Variants in ZFR observed in about 807,000 individuals in gnomAD.
ZFR encodes the protein zinc finger RNA binding protein, also known as zinc finger RNA-binding protein.
A neutral mutation model predicts 130.7 loss-of-function variants in ZFR; 19 were observed. The ratio of observed to expected loss-of-function variants is 0.15; its 90% CI spans 0.10 to 0.21. The LOEUF is 0.21. ZFR is among the 10% of genes least tolerant of loss of function. The probability of loss-of-function intolerance (pLI) is 1.00; values close to 1 mark genes in which losing one functional copy is unlikely to be tolerated. For synonymous variants in ZFR, 466 were observed against 456.9 expected, an observed-to-expected ratio of 1.02 and a Z score of -0.25; for missense variants, 872 against 1,321.5, an observed-to-expected ratio of 0.66 and a Z score of 5.27.
intron 19 of ZFR, among the ~76,000 whole-genome samples, chr5:32,356,995 T>C (rs1266927184): frequency 6.6e-6 from 1 of 151,970 alleles, no homozygotes; most frequent in Admixed American, 6.6e-5. Context: ...AATTGTTATT[T>C]ACAACATTTT....
intron 2 of ZFR, among the ~76,000 whole-genome samples, chr5:32,431,976 T>C (rs1331346166): frequency 1.3e-5 from 2 of 151,388 alleles, no homozygotes; most frequent in East Asian, 3.9e-4. Flanking sequence ...TACGCATGTG[T>C]GCCAGCATGC....
chr5:32,384,491 T>G (rs960590827), intron 15 of ZFR, among the ~76,000 whole-genome samples: 3 of 152,220 alleles, frequency 2.0e-5, no homozygotes, highest in Non-Finnish European at 4.4e-5. Context: ...TGCTTTGTTA[T>G]AAGCAAACAA....
At chr5:32,373,367 T>C (rs772182473) in intron 17 of ZFR, among the ~76,000 whole-genome samples, 1 of 152,046 alleles carries the variant, frequency 6.6e-6, no homozygotes, top group Non-Finnish European at 1.5e-5. Context: ...CACTCCAGCA[T>C]GGGTGACAGA....
At chr5:32,376,106 T>C (rs1408148437) in intron 17 of ZFR, among the ~76,000 whole-genome samples, 1 of 151,720 alleles carries the variant, frequency 6.6e-6, no homozygotes, top group Non-Finnish European at 1.5e-5. Flanking sequence ...CCTCCTAAAG[T>C]GCTGGGATTA....
rs770579451 is a variant in ZFR, at chr5:32,388,523, T to A, written c.2294A>T (p.His765Leu). 9.9e-6 allele frequency: 16 copies of A among 1,613,986 alleles called. No homozygotes were observed. The highest frequency in any genetic ancestry group is 9.3e-6 in the Non-Finnish European group (11 of 1,179,970). Residue 765 changes from histidine (H) to leucine (L), a missense_variant, in exon 13 of 20, where the codon CAT (histidine) becomes CTT (leucine). Around this residue, in one of 7 missense-constraint regions of ZFR, gnomAD observed 225 missense variants for 282.4 expected, o/e 0.80. Coordinates refer to ENST00000265069, the MANE Select transcript of ZFR (RefSeq NM_016107.5). ...TCCCTCTTTGTTCTTGTTCTTCTCA[T>A]GTTCAGACAAACTGTCTGAAACGAG... ...LKLVSDSLSE[H>L]EKNKNKEGDD...
At chr5:32,382,723 C>T (rs924753959) in intron 15 of ZFR, among the ~76,000 whole-genome samples, 13 of 152,092 alleles carry the variant, frequency 8.5e-5, no homozygotes, top group Non-Finnish European at 1.3e-4. Context: ...AATTCTCCTG[C>T]CTCAGCCTCC....
intron 13 of ZFR, among the ~76,000 whole-genome samples, chr5:32,388,264 G>A (rs192766256): frequency 4.6e-5 from 7 of 152,262 alleles, no homozygotes; most frequent in Admixed American, 2.0e-4. Context: ...GTACAATTAC[G>A]AGGTTAGACA....
At chr5:32,424,300 T>C (rs1212903404) in intron 2 of ZFR, among the ~76,000 whole-genome samples, 2 of 152,194 alleles carry the variant, frequency 1.3e-5, no homozygotes, top group South Asian at 2.1e-4. Flanking sequence ...TCCCAGCACT[T>C]TGGGAGGCCG....
chr5:32,370,192 C>A (rs567161100), intron 17 of ZFR, among the ~76,000 whole-genome samples: 1 of 149,110 alleles, frequency 6.7e-6, no homozygotes, highest in South Asian at 2.1e-4. Flanking sequence ...CTCTTGAGTA[C>A]CTGGGACTAC....
chr5:32,401,965 T>C (rs1753457377), intron 8 of ZFR, among the ~76,000 whole-genome samples: 1 of 152,230 alleles, frequency 6.6e-6, no homozygotes, highest in South Asian at 2.1e-4. Context: ...TATGACATTA[T>C]TTCATGGTAC....
intron 19 of ZFR, among the ~76,000 whole-genome samples, chr5:32,359,891 C>T (rs147060644): frequency 3.0e-4 from 46 of 150,884 alleles, no homozygotes; most frequent in African/African-American, 1.1e-3. Flanking sequence ...CGGAGGTGAG[C>T]TGAGATTGCG....
intron 19 of ZFR, among the ~76,000 whole-genome samples, chr5:32,358,435 C>T (rs1260286218): frequency 6.6e-6 from 1 of 152,008 alleles, no homozygotes; most frequent in Admixed American, 6.6e-5. Context: ...CCTAGACTGG[C>T]GCATCACGAG....
At chr5:32,417,832 AGTGG>A (rs1392514231) in intron 3 of ZFR, 40 bp from the exon 4 acceptor site, 16 of 1,599,760 alleles carry the variant, frequency 1.0e-5, no homozygotes, top group Admixed American at 8.5e-5. Flanking sequence ...CTATGAGACA[AGTGG>A]AAGGAAAAAA....
intron 19 of ZFR, among the ~76,000 whole-genome samples, chr5:32,360,247 T>C (rs1752403422): frequency 6.6e-6 from 1 of 152,178 alleles, no homozygotes; most frequent in African/African-American, 2.4e-5. Flanking sequence ...CACATACCTT[T>C]AAAATATACA....
chr5:32,434,537 C>G (rs1480067981), intron 2 of ZFR, among the ~76,000 whole-genome samples: 4 of 152,180 alleles, frequency 2.6e-5, no homozygotes, highest in Non-Finnish European at 5.9e-5. Context: ...AGATATGATA[C>G]TTGGGCAATG....
chr5:32,378,216 T>A (rs1369837064), intron 17 of ZFR, among the ~76,000 whole-genome samples: 3 of 152,194 alleles, frequency 2.0e-5, no homozygotes, highest in Non-Finnish European at 2.9e-5. Flanking sequence ...TGAGGTATAA[T>A]AAGGATTTAA....
At chr5:32,368,130 T>C (rs991870727) in intron 17 of ZFR, among the ~76,000 whole-genome samples, 2 of 152,142 alleles carry the variant, frequency 1.3e-5, no homozygotes, top group African/African-American at 4.8e-5. Flanking sequence ...GTAAAACAAA[T>C]AAAACAAAGC....
intron 2 of ZFR, among the ~76,000 whole-genome samples, chr5:32,433,873 G>T (rs1018171370): frequency 1.3e-5 from 2 of 152,160 alleles, no homozygotes; most frequent in Admixed American, 6.5e-5. Context: ...TTGAATCCAG[G>T]AGCTTGAGAC....
At chr5:32,397,480 G>A (rs1456661636) in intron 9 of ZFR, 142 bp from the exon 10 acceptor site, 2 of 1,046,056 alleles carry the variant, frequency 1.9e-6, no homozygotes, top group African/African-American at 1.6e-5. Context: ...CCAGGACAGA[G>A]TCTTGCTCTG....
Sources: gnomAD v4.1 joint callset for allele counts (sites outside exome capture counted in the v4.1 genomes callset) on GRCh38, gnomAD v4.1.1 for gene constraint, gnomAD v4.1.1 regional missense constraint, MANE v1.5 for transcripts, NCBI Gene and HGNC (gene_info 2026-07-23, HGNC 2026-07-21) for gene names.